EPHA6: variants seen among roughly 807,000 people sequenced by gnomAD.
EPHA6 encodes the protein ephrin type-A receptor 6.
A neutral mutation model predicts 112.0 loss-of-function variants in EPHA6; 50 were observed. That is an observed-to-expected ratio of 0.45 (90% confidence interval 0.36 to 0.56). The LOEUF (loss-of-function observed/expected upper bound fraction) is 0.56, where lower values mean the gene tolerates loss of function less well. Among genes scored for constraint, EPHA6 ranks in the 20% least tolerant of loss-of-function variants. The probability of loss-of-function intolerance (pLI) is 0.00; values close to 1 mark genes in which losing one functional copy is unlikely to be tolerated. For synonymous variants in EPHA6, 529 were observed against 490.7 expected (o/e 1.08, Z -1.03); for missense variants, 1,280 against 1,417.4 (o/e 0.90, Z 1.56).
At position 97,274,811 on chromosome 3, in the gene EPHA6, C is replaced by T. The variant is rs1336085584; in HGVS notation, c.1606+30524C>T. Reference sequence around the variant, plus strand: ...GAATATCAGGTGGATCAGAGAGATACAGTCATGAGGGTCAGGTGTGGTATC... The same window carrying T: ...GAATATCAGGTGGATCAGAGAGATATAGTCATGAGGGTCAGGTGTGGTATC... On this transcript the variant is annotated intron_variant, in intron 5 of 17. Transcript: ENST00000389672. Among the ~76,000 whole-genome samples, 4 of 152,076 alleles carry T rather than the reference C, an allele frequency of 2.6e-5. No homozygotes were observed. The East Asian group carries it at 7.7e-4, about 29-fold the overall frequency.
rs148727014 is a variant in EPHA6, at chr3:96,993,377, A to T, written c.1114+5384A>T. ...AGTGGCGCGATCTTGCCGCACTGCA[A>T]CTTCCGCCTCCTGGGTTCAAGCGAT... On this transcript the variant is annotated intron_variant, in intron 3 of 17. Transcript: ENST00000389672. 5.1e-3 allele frequency among the ~76,000 whole-genome samples: 774 copies of T among 151,460 alleles called. 6 individuals carry two copies. The highest frequency in any genetic ancestry group is 8.5e-3 in the Non-Finnish European group (574 of 67,848).
chr3:97,131,208 A>G (rs947112799), intron 3 of EPHA6, among the ~76,000 whole-genome samples: 9 of 152,140 alleles, frequency 5.9e-5, no homozygotes, highest in Non-Finnish European at 8.8e-5. Context: ...AGTCTACATT[A>G]TATGAATGTA....
At chr3:96,911,476 A>G (rs939880356) in intron 2 of EPHA6, among the ~76,000 whole-genome samples, 5 of 152,054 alleles carry the variant, frequency 3.3e-5, no homozygotes, top group African/African-American at 7.2e-5. Context: ...AAATGCAGAC[A>G]AGCTTTAAGA....
intron 11 of EPHA6, among the ~76,000 whole-genome samples, chr3:97,564,037 A>G (rs1432196144): frequency 6.6e-6 from 1 of 152,188 alleles, no homozygotes; most frequent in Non-Finnish European, 1.5e-5. Flanking sequence ...TTCATCTCAC[A>G]TAGTGAAATG....
At chr3:97,549,644 C>T (rs1043515021) in intron 11 of EPHA6, among the ~76,000 whole-genome samples, 8 of 151,970 alleles carry the variant, frequency 5.3e-5, no homozygotes, top group Admixed American at 2.0e-4. Flanking sequence ...AGTTTGTTTA[C>T]AATGTTGAAA....
At chr3:97,171,230 G>T (rs757461637) in intron 3 of EPHA6, among the ~76,000 whole-genome samples, 4 of 152,110 alleles carry the variant, frequency 2.6e-5, no homozygotes, top group Non-Finnish European at 5.9e-5. Context: ...GTGAATGAAT[G>T]AATGAAAAAC....
intron 3 of EPHA6, among the ~76,000 whole-genome samples, chr3:97,054,963 C>G (rs1158108030): frequency 6.6e-6 from 1 of 152,066 alleles, no homozygotes; most frequent in South Asian, 2.1e-4. Flanking sequence ...AAATTTCCCC[C>G]CTTTGGGAAA....
intron 14 of EPHA6, among the ~76,000 whole-genome samples, chr3:97,654,217 T>G (rs767098624): frequency 6.6e-6 from 1 of 151,986 alleles, no homozygotes; most frequent in Non-Finnish European, 1.5e-5. Flanking sequence ...ACAATGTATA[T>G]TAAAAACATC....
chr3:97,600,152 G>T lies in EPHA6; in HGVS notation c.2512+7415G>T, dbSNP rs1241412308. ...ACTTTGCTGAAGTTGCTTATCAGCTGAAGGAGATTTTGGGCTGAGACAATG... is the reference window on the plus strand; with the variant it reads ...ACTTTGCTGAAGTTGCTTATCAGCTTAAGGAGATTTTGGGCTGAGACAATG... On this transcript the variant is annotated intron_variant, in intron 12 of 17. Transcript: ENST00000389672. Among the ~76,000 whole-genome samples the T allele has an allele frequency of 6.2e-4, 94 of 150,516 alleles. 1 individual carries two copies. In the East Asian group the frequency reaches 0.013, roughly 20 times the overall value.
At chr3:97,199,418 C>T (rs923276443) in intron 3 of EPHA6, among the ~76,000 whole-genome samples, 2 of 152,070 alleles carry the variant, frequency 1.3e-5, no homozygotes, top group Non-Finnish European at 2.9e-5. Context: ...GAGAACTACC[C>T]CCTACCCGTT....
At chr3:97,648,498 T>C in intron 14 of EPHA6, 2 of 1,295,316 alleles carry the variant, frequency 1.5e-6, no homozygotes, top group Non-Finnish European at 2.0e-6. Flanking sequence ...TGAATTGGCT[T>C]GACTTTTTGA....
At position 97,133,780 on chromosome 3, in the gene EPHA6, G is replaced by T. The variant is rs2075697886; in HGVS notation, c.1115-92484G>T. On this transcript the variant is annotated intron_variant, in intron 3 of 17. Coordinates refer to ENST00000389672, the MANE Select transcript of EPHA6 (RefSeq NM_001080448.3). ...GTACAAAATGATGAGAATATCATAT[G>T]AATCCCTATACCACCTAGGAGATCA... 2.0e-5 allele frequency among the ~76,000 whole-genome samples: 3 copies of T among 151,902 alleles called. No individual in the cohort carries two copies. In the South Asian group the frequency reaches 6.2e-4, roughly 31 times the overall value.
At chr3:97,079,265 G>A (rs2046639297) in intron 3 of EPHA6, among the ~76,000 whole-genome samples, 1 of 152,144 alleles carries the variant, frequency 6.6e-6, no homozygotes, top group Admixed American at 6.6e-5. Flanking sequence ...ATACTGTACA[G>A]CCATAAAAAA....
intron 5 of EPHA6, among the ~76,000 whole-genome samples, chr3:97,380,781 G>A (rs2085680320): frequency 2.6e-5 from 4 of 152,038 alleles, no homozygotes; most frequent in Admixed American, 2.6e-4. Flanking sequence ...TAATAATATT[G>A]TAATAGTGAA....
intron 5 of EPHA6, among the ~76,000 whole-genome samples, chr3:97,296,659 C>T (rs2080884751): frequency 6.6e-6 from 1 of 152,142 alleles, no homozygotes; most frequent in Non-Finnish European, 1.5e-5. Context: ...CAAATCCAAT[C>T]TTTGGGATGA....
At chr3:97,062,289 CAG>C (rs1388625725) in intron 3 of EPHA6, among the ~76,000 whole-genome samples, 1 of 151,898 alleles carries the variant, frequency 6.6e-6, no homozygotes, top group African/African-American at 2.4e-5. Flanking sequence ...TTAATTATAA[CAG>C]GACTTGAGTA....
intron 15 of EPHA6, among the ~76,000 whole-genome samples, chr3:97,721,909 C>G (rs1053390890): frequency 6.6e-6 from 1 of 152,108 alleles, no homozygotes; most frequent in African/African-American, 2.4e-5. Flanking sequence ...TTGTTTTAAC[C>G]AGTTACCTTA....
chr3:97,614,967 G>A (rs1211202626), intron 13 of EPHA6, among the ~76,000 whole-genome samples: 1 of 152,140 alleles, frequency 6.6e-6, no homozygotes. Flanking sequence ...AGTGGGTGGG[G>A]ACCAAGATGG....
At chr3:97,714,181 G>A (rs983047696) in intron 14 of EPHA6, among the ~76,000 whole-genome samples, 3 of 152,140 alleles carry the variant, frequency 2.0e-5, no homozygotes, top group African/African-American at 4.8e-5. Flanking sequence ...GAAGCCAAAT[G>A]AGTCCAAAAA....
Sources: gnomAD v4.1 joint callset for allele counts (sites outside exome capture counted in the v4.1 genomes callset) on GRCh38, gnomAD v4.1.1 for gene constraint, MANE v1.5 for transcripts, NCBI Gene and HGNC (gene_info 2026-07-23, HGNC 2026-07-21) for gene names.